Variants in DOCK4 observed in about 807,000 individuals in gnomAD.
The protein encoded by DOCK4 is dedicator of cytokinesis 4.
Under a neutral mutation model 268.1 loss-of-function variants are expected in DOCK4, and 97 were observed. The ratio of observed to expected loss-of-function variants is 0.36; its 90% CI spans 0.31 to 0.43. The LOEUF (loss-of-function observed/expected upper bound fraction) is 0.43, where lower values mean the gene tolerates loss of function less well. Among genes scored for constraint, DOCK4 ranks in the 20% least tolerant of loss-of-function variants. The pLI, the probability that DOCK4 is intolerant of heterozygous loss-of-function variation, is 1.00. For synonymous variants in DOCK4, 954 were observed against 887.2 expected (o/e 1.08, Z -1.34); for missense variants, 2,145 against 2,455.7 (o/e 0.87, Z 2.67).
At chr7:111,970,181 AAT>A (rs1182041539) in intron 8 of DOCK4, among the ~76,000 whole-genome samples, 24 of 152,208 alleles carry the variant, frequency 1.6e-4, no homozygotes, top group Admixed American at 1.6e-3. Context: ...GTTGATGAAG[AAT>A]ATAGAATCTT....
chr7:112,195,995 C>G (rs6966359), intron 1 of DOCK4, among the ~76,000 whole-genome samples: 1 of 152,128 alleles, frequency 6.6e-6, no homozygotes. Context: ...AAATGTCATG[C>G]TCTCCCCTCT....
intron 8 of DOCK4, among the ~76,000 whole-genome samples, chr7:111,951,620 T>A (rs6970473): frequency 0.13 from 17,450 of 139,368 alleles, 1,435 homozygotes; most frequent in East Asian, 0.38. Context: ...CCAACTTGGG[T>A]CAACATATTG....
At chr7:112,033,432 A>T (rs1024301169) in intron 1 of DOCK4, among the ~76,000 whole-genome samples, 3 of 152,236 alleles carry the variant, frequency 2.0e-5, no homozygotes, top group Non-Finnish European at 4.4e-5. Context: ...AATGCCTTTT[A>T]TTCTAACAGC....
At chr7:111,823,705 A>C (rs1802185845) in intron 26 of DOCK4, among the ~76,000 whole-genome samples, 1 of 152,214 alleles carries the variant, frequency 6.6e-6, no homozygotes, top group Non-Finnish European at 1.5e-5. Flanking sequence ...TGGTAACCTA[A>C]GTGATTCTAG....
At chr7:112,045,154 G>T (rs558250390) in intron 1 of DOCK4, among the ~76,000 whole-genome samples, 21 of 152,072 alleles carry the variant, frequency 1.4e-4, no homozygotes, top group African/African-American at 5.1e-4. Flanking sequence ...GGCTATTCTG[G>T]ACCCTTTCTG....
At chr7:111,866,632 A>G (rs1293929651) in intron 22 of DOCK4, among the ~76,000 whole-genome samples, 1 of 152,194 alleles carries the variant, frequency 6.6e-6, no homozygotes, top group African/African-American at 2.4e-5. Context: ...CGGTGGCCCA[A>G]GCCACCTTAG....
At chr7:112,105,165 T>C (rs1348027426) in intron 1 of DOCK4, among the ~76,000 whole-genome samples, 4 of 152,180 alleles carry the variant, frequency 2.6e-5, no homozygotes, top group African/African-American at 9.7e-5. Flanking sequence ...ATCTGAAATA[T>C]GTTTAGGGTA....
At chr7:112,189,267 T>C (rs1188630867) in intron 1 of DOCK4, among the ~76,000 whole-genome samples, 1 of 143,236 alleles carries the variant, frequency 7.0e-6, no homozygotes, top group Non-Finnish European at 1.5e-5. Flanking sequence ...CCTTGCTATC[T>C]CAAGATACTC....
intron 13 of DOCK4, among the ~76,000 whole-genome samples, chr7:111,904,747 G>T (rs1791420813): frequency 6.6e-6 from 1 of 152,182 alleles, no homozygotes; most frequent in Non-Finnish European, 1.5e-5. Context: ...CAGGGTATTA[G>T]AAACCTCTGG....
intron 1 of DOCK4, among the ~76,000 whole-genome samples, chr7:112,120,273 T>C (rs943367631): frequency 1.6e-4 from 24 of 152,308 alleles, no homozygotes; most frequent in African/African-American, 5.8e-4. Flanking sequence ...CTATTAATAA[T>C]TGCAGAATTT....
At chr7:112,189,485 G>C (rs564585943) in intron 1 of DOCK4, among the ~76,000 whole-genome samples, 2 of 152,098 alleles carry the variant, frequency 1.3e-5, no homozygotes, top group Non-Finnish European at 2.9e-5. Context: ...GCATTTAAAC[G>C]GAGTCTAGCA....
intron 35 of DOCK4, among the ~76,000 whole-genome samples, chr7:111,781,673 G>A (rs746873988): frequency 6.6e-6 from 1 of 152,020 alleles, no homozygotes; most frequent in Non-Finnish European, 1.5e-5. Flanking sequence ...TGATAAAGAC[G>A]GATACCATCA....
rs1794692305 is a variant in DOCK4 at position 111,727,058 on chromosome 7, C to T, written c.*1216G>A. ...TTGTCAATTGAGTGTTATAAACAGT[C>T]AGTAAAAGAAAAAACAAAGATATAA... On this transcript the variant is annotated 3_prime_UTR_variant, in exon 53 of 53. Coordinates refer to ENST00000428084, the MANE Select transcript of DOCK4 (RefSeq NM_001363540.2). The T allele has an allele frequency of 6.6e-6, 1 of 152,512 alleles. No homozygotes were observed. Among genetic ancestry groups the T allele is most frequent in the Non-Finnish European group, 1.5e-5 (1 of 68,006 alleles). 9.4% of individuals were successfully genotyped at this position (152,512 alleles called of 1,614,324 possible).
chr7:111,989,198 A>G (rs1376077048), intron 5 of DOCK4, 35 bp from the exon 6 acceptor site: 2 of 1,612,424 alleles, frequency 1.2e-6, no homozygotes, highest in Non-Finnish European at 8.5e-7. Flanking sequence ...TTTGGCAGTC[A>G]GTACCTATAC....
At chr7:112,097,856 T>C (rs181589485) in intron 1 of DOCK4, among the ~76,000 whole-genome samples, 31 of 152,262 alleles carry the variant, frequency 2.0e-4, no homozygotes, top group African/African-American at 7.5e-4. Flanking sequence ...ACACCAGAGT[T>C]TTTTCCTAGA....
At chr7:111,995,621 C>A (rs1799898097) in intron 4 of DOCK4, among the ~76,000 whole-genome samples, 1 of 152,084 alleles carries the variant, frequency 6.6e-6, no homozygotes, top group Non-Finnish European at 1.5e-5. Context: ...ACCATGTTGT[C>A]TAATGATCAA....
At chr7:111,811,702 TC>T (rs990413660) in intron 28 of DOCK4, among the ~76,000 whole-genome samples, 171 bp downstream of exon 28, 21 of 152,268 alleles carry the variant, frequency 1.4e-4, no homozygotes, top group African/African-American at 5.1e-4. Context: ...CGCTATGATC[TC>T]CTTTTAAGCG....
At chr7:111,849,249 T>G (rs1007950137) in intron 23 of DOCK4, among the ~76,000 whole-genome samples, 3 of 151,300 alleles carry the variant, frequency 2.0e-5, no homozygotes. Context: ...AACTATCTTT[T>G]TCTTCCTAGT....
Position 111,820,068 on chromosome 7 carries a change from T to C in DOCK4, c.2930+2294A>G, listed in dbSNP as rs146601090. 9.8e-5 allele frequency: 15 copies of C among 152,346 alleles called. No individual in the cohort carries two copies. In the East Asian group the frequency reaches 1.5e-3, roughly 16 times the overall value. 9.4% of individuals were successfully genotyped at this position (152,346 alleles called of 1,614,324 possible). ...ATATTATATGGGTTAATATTTTTCATAGATAAAGCACAAATAGTAGAGGGC... is the reference window on the plus strand; with the variant it reads ...ATATTATATGGGTTAATATTTTTCACAGATAAAGCACAAATAGTAGAGGGC... On this transcript the variant is annotated intron_variant, in intron 27 of 52. Transcript: ENST00000428084.
Sources: gnomAD v4.1 joint callset for allele counts (sites outside exome capture counted in the v4.1 genomes callset) on GRCh38, gnomAD v4.1.1 for gene constraint, MANE v1.5 for transcripts, NCBI Gene and HGNC (gene_info 2026-07-23, HGNC 2026-07-21) for gene names.